Variants in TP53BP2 observed in about 807,000 individuals in gnomAD.
TP53BP2 encodes apoptosis-stimulating of p53 protein 2.
TP53BP2 carries 62 observed loss-of-function variants against 126.2 expected under a neutral mutation model. That is an observed-to-expected ratio of 0.49 (90% CI 0.40 to 0.61). TP53BP2 has a LOEUF of 0.61. Ranked by LOEUF, TP53BP2 falls within the 20% of genes least tolerant of loss-of-function variation. The pLI, the probability that TP53BP2 is intolerant of heterozygous loss-of-function variation, is 0.00. For synonymous variants in TP53BP2, 485 were observed against 502.9 expected (o/e 0.96, Z 0.48); for missense variants, 1,215 against 1,402.8 (o/e 0.87, Z 2.14).
chr1:223,823,049 T>C (rs965985612), intron 1 of TP53BP2, among the ~76,000 whole-genome samples: 3 of 152,194 alleles, frequency 2.0e-5, no homozygotes, highest in African/African-American at 7.2e-5. Flanking sequence ...TTTAGTCTTT[T>C]AAAATCATTA....
At chr1:223,816,708 A>T (rs1663098121) in intron 2 of TP53BP2, among the ~76,000 whole-genome samples, 1 of 152,228 alleles carries the variant, frequency 6.6e-6, no homozygotes, top group African/African-American at 2.4e-5. Flanking sequence ...ATGAACTGAT[A>T]TAACCTTTGC....
intron 15 of TP53BP2, among the ~76,000 whole-genome samples, chr1:223,790,623 T>G (rs1201109084): frequency 1.3e-5 from 2 of 151,716 alleles, no homozygotes; most frequent in Non-Finnish European, 2.9e-5. Context: ...TTTTTTTTTT[T>G]TTTGAGGATC....
rs758636094 is a variant in TP53BP2, at chr1:223,795,800, T to A, written c.2724+15A>T. The A allele has an allele frequency of 1.3e-6, 2 of 1,496,318 alleles. No homozygotes were observed. The highest frequency in any genetic ancestry group is 2.8e-5 in the African/African-American group (2 of 71,188). The allele number at this position is 1,496,318 out of a possible 1,614,324, so 92.7% of individuals were successfully genotyped here. ...AAGGACTCCGGAAAAGGCTATGAGA[T>A]AGTACATTACTTACAGGAGGCAGAG... is the stretch of plus-strand genomic sequence containing the variant. On this transcript the variant is annotated intron_variant, in intron 13 of 17. Coordinates refer to ENST00000343537, the MANE Select transcript of TP53BP2 (RefSeq NM_001031685.3).
At chr1:223,784,023 A>T in intron 17 of TP53BP2, 92 bp downstream of exon 17, 1 of 1,045,086 alleles carries the variant, frequency 9.6e-7, no homozygotes, top group African/African-American at 1.6e-5. Context: ...AACAAAGGGC[A>T]GTTTGGTGCA....
intron 1 of TP53BP2, among the ~76,000 whole-genome samples, chr1:223,840,258 T>C (rs894927514): frequency 6.6e-5 from 10 of 152,206 alleles, no homozygotes; most frequent in South Asian, 2.1e-4. Flanking sequence ...CAATAAGACA[T>C]AGAATTTTAA....
intron 16 of TP53BP2, among the ~76,000 whole-genome samples, chr1:223,787,487 C>CT (rs1662010783): frequency 6.6e-6 from 1 of 152,036 alleles, no homozygotes; most frequent in African/African-American, 2.4e-5. Flanking sequence ...TGGCTCACAC[C>CT]TGTAATCTCA....
At chr1:223,786,606 G>GTGTA (rs1234487844) in intron 16 of TP53BP2, among the ~76,000 whole-genome samples, 3 of 150,262 alleles carry the variant, frequency 2.0e-5, no homozygotes, top group Non-Finnish European at 4.4e-5. Context: ...GTGTGTGTGT[G>GTGTA]TATATTTTTT....
At position 223,806,938 on chromosome 1, in the gene TP53BP2, G is replaced by A. The variant is rs1662743258; in HGVS notation, c.382C>T (p.Pro128Ser). The change falls in exon 5 of 18, where the codon CCT becomes TCT. Residue 128 changes from proline (P) to serine (S), a missense_variant. This residue lies in a region of TP53BP2 where 814 missense variants were observed against 853.0 expected (regional missense o/e 0.95). Transcript: ENST00000343537. ...YRRKENGVNS[P>S]RMDLTLAELQ... The stretch of plus-strand genomic sequence containing the variant: ...TCAGCAAGAGTCAGATCCATCCTAG[G>A]ACTATTAACCTACAAGTAAAAACAC... 1 of 1,612,290 alleles carries A rather than the reference G, an allele frequency of 6.2e-7. No individual in the cohort carries two copies. The highest frequency in any genetic ancestry group is 8.5e-7 in the Non-Finnish European group (1 of 1,178,964).
chr1:223,826,802 A>G (rs970048032), intron 1 of TP53BP2, among the ~76,000 whole-genome samples: 3 of 152,238 alleles, frequency 2.0e-5, no homozygotes, highest in Non-Finnish European at 4.4e-5. Context: ...GACTGGCATG[A>G]AAGTCCAATT....
In TP53BP2 at chr1:223,802,904, A is replaced by G; in HGVS notation, c.832-9T>C. The G allele has an allele frequency of 6.2e-7, 1 of 1,613,900 alleles. No homozygotes were observed. The highest frequency in any genetic ancestry group is 1.1e-5 in the South Asian group (1 of 91,070). ...TTCAATTTGTTTCTTAGCTGAATAAAAGAGAGGGGAAAAAAGGTAGCCAAG... is the reference window on the plus strand; with the variant it reads ...TTCAATTTGTTTCTTAGCTGAATAAGAGAGAGGGGAAAAAAGGTAGCCAAG... On this transcript the variant is annotated splice_polypyrimidine_tract_variant and intron_variant, in intron 7 of 17. Coordinates refer to ENST00000343537, the MANE Select transcript of TP53BP2 (RefSeq NM_001031685.3).
intron 3 of TP53BP2, among the ~76,000 whole-genome samples, chr1:223,812,204 G>C (rs1662933491): frequency 1.3e-5 from 2 of 152,136 alleles, no homozygotes; most frequent in Non-Finnish European, 2.9e-5. Flanking sequence ...TCTGCCTCTA[G>C]GTGTGTGGCC....
intron 3 of TP53BP2, 107 bp downstream of exon 3, chr1:223,814,133 T>C: frequency 1.3e-6 from 1 of 774,704 alleles, no homozygotes. Flanking sequence ...CTTCCTAACC[T>C]CTCCTTCACC....
Position 223,797,126 on chromosome 1 carries a change from A to G in TP53BP2, c.1949-536T>C, listed in dbSNP as rs190624970. Among the ~76,000 whole-genome samples, 221 of 126,126 alleles carry G rather than the reference A, an allele frequency of 1.8e-3. 2 individuals are homozygous for G. The highest frequency in any genetic ancestry group is 2.2e-3 in the East Asian group (10 of 4,558). 82.7% of individuals were successfully genotyped at this position (126,126 alleles called of 152,430 possible). On this transcript the variant is annotated intron_variant, in intron 12 of 17. Transcript: ENST00000343537. ...ATTATTCCATTTTCACTAAAGACCC[A>G]TGAAAAGAAGAGTAAGAGGTAGCAT...
chr1:223,841,269 A>AAATAAATAAATAAATAAATAAATAAATG (rs758647320), intron 1 of TP53BP2, among the ~76,000 whole-genome samples: 48 of 152,028 alleles, frequency 3.2e-4, no homozygotes, highest in African/African-American at 1.0e-3. Context: ...ATAAATAAAT[A>AAATAAATAAATAAATAAATAAATAAATG]AAAGAAATAT....
chr1:223,821,508 G>A, intron 1 of TP53BP2, 141 bp from the exon 2 acceptor site: 2 of 1,142,498 alleles, frequency 1.8e-6, no homozygotes, highest in Non-Finnish European at 2.6e-6. Context: ...CCGGCCAAAG[G>A]TGAGGTGTGG....
intron 14 of TP53BP2, 79 bp downstream of exon 14, chr1:223,793,224 A>G: frequency 1.8e-6 from 2 of 1,118,522 alleles, no homozygotes; most frequent in Non-Finnish European, 2.4e-6. Flanking sequence ...TATTTTAAAA[A>G]TTTACTAATT....
At chr1:223,814,529 C>G (rs1663019682) in intron 2 of TP53BP2, among the ~76,000 whole-genome samples, 176 bp from the exon 3 acceptor site, 1 of 152,280 alleles carries the variant, frequency 6.6e-6, no homozygotes, top group East Asian at 1.9e-4. Flanking sequence ...AGATTTTCCA[C>G]ACACACAGAG....
Position 223,780,199 on chromosome 1 carries a change from T to C in TP53BP2, c.*654A>G, listed in dbSNP as rs949574637. 4 of 152,208 alleles carry C rather than the reference T, an allele frequency of 2.6e-5. No individual in the cohort carries two copies. Among genetic ancestry groups the C allele is most frequent in the Admixed American group, 2.6e-4 (4 of 15,270 alleles). 9.4% of individuals were successfully genotyped at this position (152,208 alleles called of 1,614,324 possible). On this transcript the variant is annotated 3_prime_UTR_variant, in exon 18 of 18. Coordinates refer to ENST00000343537, the MANE Select transcript of TP53BP2 (RefSeq NM_001031685.3). ...TTTCTGAGATACAAAAGACAATAAA[T>C]ACAGATTAAAATTCAGCCTACAAAC... is the stretch of plus-strand genomic sequence containing the variant.
chr1:223,801,401 A>AT (rs1295994717), intron 9 of TP53BP2, among the ~76,000 whole-genome samples: 5 of 152,174 alleles, frequency 3.3e-5, no homozygotes, highest in African/African-American at 1.2e-4. Context: ...AAAATCAGCT[A>AT]TTTTTTTGCA....
Sources: allele counts gnomAD v4.1 joint callset (sites outside exome capture counted in the v4.1 genomes callset), GRCh38; gene constraint gnomAD v4.1.1; regional missense constraint gnomAD v4.1.1; transcripts MANE v1.5; gene names NCBI Gene and HGNC (gene_info 2026-07-23, HGNC 2026-07-21).